The following CDC42BPA variants were observed in gnomAD, a reference collection of about 807,000 sequenced individuals.
CDC42BPA encodes CDC42 binding protein kinase alpha.
CDC42BPA carries 80 observed loss-of-function variants against 223.5 expected under a neutral mutation model. That is an observed-to-expected ratio of 0.36 (90% confidence interval 0.30 to 0.43). The LOEUF is 0.43. Ranked by LOEUF, CDC42BPA falls within the 20% of genes least tolerant of loss-of-function variation. The probability of loss-of-function intolerance (pLI) is 1.00; values close to 1 mark genes in which losing one functional copy is unlikely to be tolerated. For synonymous variants in CDC42BPA, 694 were observed against 718.6 expected, an observed-to-expected ratio of 0.97 and a Z score of 0.55; for missense variants, 1,743 against 2,099.9, an observed-to-expected ratio of 0.83 and a Z score of 3.32.
At chr1:227,013,114 C>G (rs1190804328) in intron 34 of CDC42BPA, among the ~76,000 whole-genome samples, 5 of 152,054 alleles carry the variant, frequency 3.3e-5, no homozygotes, top group Non-Finnish European at 5.9e-5. Context: ...AAAATTTACA[C>G]CAACTTCTTG....
At chr1:227,148,779 A>G (rs867096118) in intron 6 of CDC42BPA, among the ~76,000 whole-genome samples, 296 of 53,646 alleles carry the variant, frequency 5.5e-3, no homozygotes, top group Non-Finnish European at 0.011. Context: ...AAGCAAAAAA[A>G]AAAAAAAAAA....
chr1:227,047,561 GA>G (rs917790643), intron 23 of CDC42BPA, among the ~76,000 whole-genome samples: 1 of 151,462 alleles, frequency 6.6e-6, no homozygotes, highest in Non-Finnish European at 1.5e-5. Context: ...AATAGAATGG[GA>G]AAAAAAAGTC....
At chr1:227,310,369 G>A (rs1056255173) in intron 1 of CDC42BPA, among the ~76,000 whole-genome samples, 1 of 152,200 alleles carries the variant, frequency 6.6e-6, no homozygotes, top group African/African-American at 2.4e-5. Context: ...TTAGAGTGAA[G>A]AGGCCCTAAT....
At chr1:227,096,749 T>C (rs566391147) in intron 15 of CDC42BPA, among the ~76,000 whole-genome samples, 14 of 152,354 alleles carry the variant, frequency 9.2e-5, no homozygotes, top group Admixed American at 9.2e-4. Flanking sequence ...CTCAGTATTC[T>C]GTCTTAGGTG....
At chr1:227,280,900 C>G (rs1008494567) in intron 1 of CDC42BPA, among the ~76,000 whole-genome samples, 1 of 152,132 alleles carries the variant, frequency 6.6e-6, no homozygotes, top group Non-Finnish European at 1.5e-5. Context: ...CCAGGGATCC[C>G]AGCACAACAG....
intron 14 of CDC42BPA, among the ~76,000 whole-genome samples, chr1:227,104,795 T>C (rs1685625978): frequency 6.6e-6 from 1 of 152,084 alleles, no homozygotes. Flanking sequence ...GTGATGTATC[T>C]TACAAGCCAA....
intron 10 of CDC42BPA, among the ~76,000 whole-genome samples, chr1:227,131,530 C>A (rs112906843): frequency 1.0e-3 from 158 of 152,164 alleles, no homozygotes; most frequent in Non-Finnish European, 1.7e-3. Flanking sequence ...AGATGGAATT[C>A]TTGGTGTACT....
intron 14 of CDC42BPA, among the ~76,000 whole-genome samples, chr1:227,105,762 A>G (rs1420713685): frequency 5.9e-5 from 9 of 152,180 alleles, no homozygotes; most frequent in Admixed American, 5.2e-4. Context: ...GCCATGTTGT[A>G]GCATGTATCA....
At position 226,990,965 on chromosome 1, in the gene CDC42BPA, T is replaced by C. The variant is rs1660663615; in HGVS notation, c.*3303A>G. On this transcript the variant is annotated 3_prime_UTR_variant, in exon 37 of 37. Transcript: ENST00000366766. ...CTCATAGCCTTAAAGCTGTGCTCCC[T>C]AGGAAATAACAGAAATCACTAAGTG... The C allele has an allele frequency of 6.6e-6, 1 of 152,580 alleles. No individual in the cohort carries two copies. Among genetic ancestry groups the C allele is most frequent in the Non-Finnish European group, 1.5e-5 (1 of 68,038 alleles). 9.5% of individuals were successfully genotyped at this position (152,580 alleles called of 1,614,324 possible).
At chr1:227,246,496 T>A (rs1241274301) in intron 2 of CDC42BPA, among the ~76,000 whole-genome samples, 2 of 151,990 alleles carry the variant, frequency 1.3e-5, no homozygotes, top group Non-Finnish European at 2.9e-5. Flanking sequence ...TATCACCAAA[T>A]CCCCAGAGTT....
intron 12 of CDC42BPA, among the ~76,000 whole-genome samples, chr1:227,117,614 C>A (rs1194128882): frequency 2.0e-5 from 3 of 152,144 alleles, no homozygotes; most frequent in East Asian, 1.9e-4. Flanking sequence ...CCATGCCCAG[C>A]TGATTAAATG....
At chr1:227,223,997 G>T (rs1345198687) in intron 2 of CDC42BPA, among the ~76,000 whole-genome samples, 1 of 152,126 alleles carries the variant, frequency 6.6e-6, no homozygotes, top group South Asian at 2.1e-4. Flanking sequence ...TGATGGTTAG[G>T]TATATTAAAT....
intron 1 of CDC42BPA, among the ~76,000 whole-genome samples, chr1:227,305,140 G>T (rs1347164489): frequency 6.6e-6 from 1 of 152,146 alleles, no homozygotes; most frequent in African/African-American, 2.4e-5. Context: ...AATATATGGG[G>T]ATGACAGAGC....
In CDC42BPA at chr1:227,072,103, A is replaced by C. The variant is rs190826551; in HGVS notation, c.2827+105T>G. ...TCATAAATGAGTGCCAGAATTGCTTATGTCAACAATTCTCCCACCTATGCA... is the reference window on the plus strand; with the variant it reads ...TCATAAATGAGTGCCAGAATTGCTTCTGTCAACAATTCTCCCACCTATGCA... On this transcript the variant is annotated intron_variant, in intron 20 of 36. Coordinates refer to ENST00000366766, the MANE Select transcript of CDC42BPA (RefSeq NM_001394014.1). 3.0e-5 allele frequency: 19 copies of C among 632,716 alleles called. No individual in the cohort carries two copies. The East Asian group carries it at 5.4e-4, about 18-fold the overall frequency. 39.2% of individuals were successfully genotyped at this position (632,716 alleles called of 1,614,324 possible).
At chr1:227,121,775 T>C (rs1688696091) in intron 11 of CDC42BPA, among the ~76,000 whole-genome samples, 1 of 151,926 alleles carries the variant, frequency 6.6e-6, no homozygotes, top group Non-Finnish European at 1.5e-5. Context: ...TTTAACATTT[T>C]TAGGATACCA....
chr1:227,022,416 G>A (rs1199313978), intron 32 of CDC42BPA, among the ~76,000 whole-genome samples: 3 of 139,186 alleles, frequency 2.2e-5, no homozygotes, highest in Non-Finnish European at 3.2e-5. Context: ...CTGGGCAACA[G>A]AGTGAGACTC....
chr1:227,074,036 T>C (rs752060969), intron 18 of CDC42BPA, 24 bp from the exon 19 acceptor site: 12 of 1,603,316 alleles, frequency 7.5e-6, no homozygotes, highest in Non-Finnish European at 1.0e-5. Flanking sequence ...ACTGTGTTTT[T>C]AGTTCCATCC....
At position 227,028,863 on chromosome 1, in the gene CDC42BPA, C is replaced by T. The variant is rs1341892668; in HGVS notation, c.4226G>A (p.Gly1409Glu). ...GAGCATACTGTATGGATTTCCTTCT[C>T]CATTCAAGGGGTATCTTAGAAATCC... ...QSGFLRYPLN[G>E]EGNPYSMLHS... The change falls in exon 30 of 37, where the codon GGA becomes GAA. Residue 1409 changes from glycine to glutamate, a missense_variant. Transcript: ENST00000366766. 6.2e-7 allele frequency: 1 copy of T among 1,613,540 alleles called. No individual in the cohort carries two copies. Among genetic ancestry groups the T allele is most frequent in the East Asian group, 2.2e-5 (1 of 44,886 alleles).
chr1:227,053,312 G>A (rs1002631059), intron 21 of CDC42BPA, among the ~76,000 whole-genome samples: 11 of 152,148 alleles, frequency 7.2e-5, no homozygotes, highest in African/African-American at 2.7e-4. Flanking sequence ...GCCCACCTAC[G>A]GCCTTCCTGG....
Sources: gnomAD v4.1 joint callset for allele counts (sites outside exome capture counted in the v4.1 genomes callset) on GRCh38, gnomAD v4.1.1 for gene constraint, MANE v1.5 for transcripts, NCBI Gene and HGNC (gene_info 2026-07-23, HGNC 2026-07-21) for gene names.